The following PJVK variants were observed in gnomAD, a reference collection of about 807,000 sequenced individuals.
PJVK encodes the protein autosomal recessive deafness type 59 protein.
In PJVK, 33 loss-of-function variants were observed where a neutral mutation model predicts 37.6. That is an observed-to-expected ratio of 0.88 (90% CI 0.67 to 1.17). The LOEUF is 1.17. Among genes scored for constraint, PJVK ranks in the 50% most tolerant of loss-of-function variants. The pLI is 0.00. For missense variants in PJVK, 410 were observed against 413.8 expected (o/e 0.99, Z 0.08); for synonymous variants, 141 against 143.5 (o/e 0.98, Z 0.13).
chr2:178,458,444 A>T, intron 4 of PJVK, 66 bp from the exon 5 acceptor site: 1 of 1,310,016 alleles, frequency 7.6e-7, no homozygotes, highest in Non-Finnish European at 1.1e-6. Flanking sequence ...GAAATGTTTC[A>T]TTTCTCCAAA....
Position 178,456,079 on chromosome 2 carries a change from C to T in PJVK, c.477C>T (p.Val159=). The T allele has an allele frequency of 6.2e-7, 1 of 1,614,140 alleles. No homozygotes were observed. Among genetic ancestry groups the T allele is most frequent in the Admixed American group, 1.7e-5 (1 of 60,026 alleles). ...RSSRKAVLCV[V]MESIRTTRQC... is the part of the protein sequence containing the mutation. Reference sequence around the variant, plus strand: ...GCAGAAAGGCAGTATTGTGTGTGGTCATGGAGAGCATCCGAACCACACGAC... The same window carrying T: ...GCAGAAAGGCAGTATTGTGTGTGGTTATGGAGAGCATCCGAACCACACGAC... Residue 159 remains valine (V), a synonymous_variant, in exon 4 of 7, where the codon GTC becomes GTT. Coordinates refer to ENST00000644580, the MANE Select transcript of PJVK (RefSeq NM_001042702.5).
intron 4 of PJVK, 100 bp from the exon 5 acceptor site, chr2:178,458,405 TTTTTG>T: frequency 1.1e-6 from 1 of 928,480 alleles, no homozygotes; most frequent in Non-Finnish European, 1.6e-6. Flanking sequence ...ACTTGGGAAT[TTTTTG>T]TTTTGTTTTT....
In PJVK at chr2:178,455,554, G is replaced by A. The variant is rs1268109815; in HGVS notation, c.408-456G>A. On this transcript the variant is annotated intron_variant, in intron 3 of 6. Coordinates refer to ENST00000644580, the MANE Select transcript of PJVK (RefSeq NM_001042702.5). ...GGCATGGGACTGGCCCAGGCACACA[G>A]GTCCCAGGGCATCAGGAGAAAGGCT... 4.2e-6 allele frequency: 3 copies of A among 713,616 alleles called. No homozygotes were observed. In the East Asian group the frequency reaches 7.9e-5, roughly 19 times the overall value. The allele number at this position is 713,616 out of a possible 1,614,324, so 44.2% of individuals were successfully genotyped here.
At chr2:178,455,012 G>C in intron 3 of PJVK, 1 of 1,073,952 alleles carries the variant, frequency 9.3e-7, no homozygotes, top group South Asian at 1.2e-5. Flanking sequence ...ACTTCCAGCT[G>C]AAAGGGAAGG....
chr2:178,460,386 A>AG lies in PJVK; in HGVS notation c.709dup (p.Glu237GlyfsTer18), dbSNP rs1256753725. The stretch of plus-strand genomic sequence containing the variant: ...TTCAGTGTCAAAAGGAGGATTTGAA[A>AG]GGGAAGAAACGGCAACATTTGCACT... On this transcript the variant is annotated frameshift_variant, in exon 6 of 7. Coordinates refer to ENST00000644580, the MANE Select transcript of PJVK (RefSeq NM_001042702.5). LOFTEE classifies it high-confidence loss of function. 3.7e-6 allele frequency: 6 copies of AG among 1,614,038 alleles called. No homozygotes were observed. The highest frequency in any genetic ancestry group is 5.1e-6 in the Non-Finnish European group (6 of 1,179,998).
Position 178,451,721 on chromosome 2 carries a change from G to A in PJVK, c.-71G>A, listed in dbSNP as rs990517319. 3 of 970,250 alleles carry A rather than the reference G, an allele frequency of 3.1e-6. No individual in the cohort carries two copies. Among genetic ancestry groups the A allele is most frequent in the Non-Finnish European group, 3.7e-6 (3 of 816,296 alleles). The allele number at this position is 970,250 out of a possible 1,614,324, so 60.1% of individuals were successfully genotyped here. On this transcript the variant is annotated 5_prime_UTR_variant, in exon 1 of 7. Coordinates refer to ENST00000644580, the MANE Select transcript of PJVK (RefSeq NM_001042702.5). ...TCCAAACACCCGCTCCTCTCCCGCC[G>A]GGCGGGCTCCTTTGTCTTCTGGGCT...
At position 178,451,931 on chromosome 2, in the gene PJVK, C is replaced by A. The variant is rs1697695213; in HGVS notation, c.-23+162C>A. 6.7e-6 allele frequency: 5 copies of A among 742,960 alleles called. No homozygotes were observed. In the South Asian group the frequency reaches 2.4e-4, roughly 36 times the overall value. The allele number at this position is 742,960 out of a possible 1,614,324, so 46.0% of individuals were successfully genotyped here. On this transcript the variant is annotated intron_variant, in intron 1 of 6. Coordinates refer to ENST00000644580, the MANE Select transcript of PJVK (RefSeq NM_001042702.5). ...CTTGCTAGGCACTAGCAGAAATGCTCCCCTGTGCTTACTCGGTGTTATGGA... is the reference window on the plus strand; with the variant it reads ...CTTGCTAGGCACTAGCAGAAATGCTACCCTGTGCTTACTCGGTGTTATGGA...
chr2:178,455,355 AG>A (rs1683984311), intron 3 of PJVK: 11 of 1,301,810 alleles, frequency 8.4e-6, no homozygotes, highest in Non-Finnish European at 1.2e-5. Context: ...GACGAACAGA[AG>A]AAACAGGAGA....
chr2:178,461,272 TAAAATGA>T lies in PJVK; in HGVS notation c.*7_*13del. On this transcript the variant is annotated stop_retained_variant and 3_prime_UTR_variant, in exon 7 of 7. Coordinates refer to ENST00000644580, the MANE Select transcript of PJVK (RefSeq NM_001042702.5). ...TGATATTTGGCACAAGAGGATGAAA[TAAAATGA>T]AAAATGAATACACCGTGTTGGTGTT... 1 of 1,613,948 alleles carries T rather than the reference TAAAATGA, an allele frequency of 6.2e-7. No individual in the cohort carries two copies.
chr2:178,462,052 C>G lies in PJVK; in HGVS notation c.*778C>G. On this transcript the variant is annotated 3_prime_UTR_variant, in exon 7 of 7. Coordinates refer to ENST00000644580, the MANE Select transcript of PJVK (RefSeq NM_001042702.5). ...AGAAAAATGTGTTAATAATTTAATG[C>G]AATCTTAAATGTTTAATTGCAGTAT... Among the ~76,000 whole-genome samples, 1 of 152,162 alleles carries G rather than the reference C, an allele frequency of 6.6e-6. No individual in the cohort carries two copies.
At chr2:178,455,263 A>G (rs1410022497) in intron 3 of PJVK, 1 of 1,476,076 alleles carries the variant, frequency 6.8e-7, no homozygotes, top group Non-Finnish European at 9.5e-7. Context: ...CCAAGCTGTC[A>G]GACCTGGACA....
chr2:178,454,371 C>A lies in PJVK; in HGVS notation c.251C>A (p.Ser84Ter). 6.2e-7 allele frequency: 1 copy of A among 1,613,414 alleles called. No individual in the cohort carries two copies. The highest frequency in any genetic ancestry group is 1.1e-5 in the South Asian group (1 of 90,878). Residue 84 changes from serine (S) to a stop codon, truncating the protein, a stop_gained, in exon 3 of 7, where the codon TCA becomes TAA. Transcript: ENST00000644580. LOFTEE classifies it high-confidence loss of function. ...SYQLLNYEDESDVSLYGRRGN... is the reference protein window; with the variant it reads ...SYQLLNYEDE ...CAATTACTGAATTATGAAGATGAAT[C>A]AGATGTTTCACTCTATGGAAGGCGA...
Position 178,460,997 on chromosome 2 carries a change from A to G in PJVK, c.782A>G (p.Asp261Gly). 6.2e-7 allele frequency: 1 copy of G among 1,613,666 alleles called. No individual in the cohort carries two copies. Among genetic ancestry groups the G allele is most frequent in the Non-Finnish European group, 8.5e-7 (1 of 1,179,922 alleles). Reference sequence around the variant, plus strand: ...GTCCTTTTAGATAGAAGAGTGATGGATGTCATTTCTCGTTCACAGCTTTAC... The same window carrying G: ...GTCCTTTTAGATAGAAGAGTGATGGGTGTCATTTCTCGTTCACAGCTTTAC... ...ILFERNRRVM[D>G]VISRSQLYLD... Residue 261 changes from aspartate to glycine, a missense_variant, in exon 7 of 7, where the codon GAT becomes GGT. Coordinates refer to ENST00000644580, the MANE Select transcript of PJVK (RefSeq NM_001042702.5).
In PJVK at chr2:178,461,476, A is replaced by G. The variant is rs1684506833; in HGVS notation, c.*202A>G. The stretch of plus-strand genomic sequence containing the variant: ...ATTTCTTAAGTTGTCATGAAAATTA[A>G]TAACATTGTTTATATCAAAAAAGAT... On this transcript the variant is annotated 3_prime_UTR_variant, in exon 7 of 7. Coordinates refer to ENST00000644580, the MANE Select transcript of PJVK (RefSeq NM_001042702.5). The G allele has an allele frequency of 1.8e-6, 1 of 566,496 alleles. No homozygotes were observed. Among genetic ancestry groups the G allele is most frequent in the African/African-American group, 1.9e-5 (1 of 52,992 alleles). The allele number at this position is 566,496 out of a possible 1,614,324, so 35.1% of individuals were successfully genotyped here.
chr2:178,461,640 A>T lies in PJVK; in HGVS notation c.*366A>T, dbSNP rs1332112252. On this transcript the variant is annotated 3_prime_UTR_variant, in exon 7 of 7. Transcript: ENST00000644580. ...TGCTCCGTCACCCAGGCTGGAGTAC[A>T]GTGGCATGATCTCAGCTCACTGCAA... Among the ~76,000 whole-genome samples, 1 of 142,580 alleles carries T rather than the reference A, an allele frequency of 7.0e-6. No individual in the cohort carries two copies. The highest frequency in any genetic ancestry group is 7.2e-5 in the Admixed American group (1 of 13,918). The allele number at this position is 142,580 out of a possible 152,430, so 93.5% of individuals were successfully genotyped here.
intron 6 of PJVK, 109 bp from the exon 7 acceptor site, chr2:178,460,870 AAAG>A (rs1684458311): frequency 5.9e-6 from 6 of 1,023,176 alleles, no homozygotes; most frequent in Admixed American, 2.6e-5. Context: ...AAAAAAAAAA[AAAG>A]CCAAATTATT....
chr2:178,453,333 C>T lies in PJVK; in HGVS notation c.-22-55C>T, dbSNP rs77758075. ...TAATTATATTTAAAAACAAGCAATG[C>T]TTAATTTTGTGCCTGATTTTCCTCT... is the stretch of plus-strand genomic sequence containing the variant. On this transcript the variant is annotated intron_variant, in intron 1 of 6. Transcript: ENST00000644580. 1,550 of 1,438,228 alleles carry T rather than the reference C, an allele frequency of 1.1e-3. 17 individuals are homozygous for T. The African/African-American group carries it at 0.02, about 18-fold the overall frequency. The allele number at this position is 1,438,228 out of a possible 1,614,324, so 89.1% of individuals were successfully genotyped here. A position where few individuals can be genotyped will look rare whatever the true frequency, so the allele number is the denominator to read the frequency against.
chr2:178,454,691 A>T, intron 3 of PJVK, 164 bp downstream of exon 3: 2 of 1,474,450 alleles, frequency 1.4e-6, no homozygotes. Flanking sequence ...TTGAATAAGG[A>T]TAGATATCAA....
intron 4 of PJVK, among the ~76,000 whole-genome samples, chr2:178,457,793 A>G (rs1016744835): frequency 3.3e-5 from 5 of 152,138 alleles, no homozygotes; most frequent in Admixed American, 2.6e-4. Flanking sequence ...CAGGAGTTCA[A>G]GGTTACAGTA....
Sources: allele counts gnomAD v4.1 joint callset (sites outside exome capture counted in the v4.1 genomes callset), GRCh38; gene constraint gnomAD v4.1.1; transcripts MANE v1.5; gene names NCBI Gene and HGNC (gene_info 2026-07-23, HGNC 2026-07-21).